Variants in GABRB3 observed in about 807,000 individuals in gnomAD.
GABRB3 encodes gamma-aminobutyric acid type A receptor subunit beta3.
In GABRB3, 14 loss-of-function variants were observed where a neutral mutation model predicts 52.1. The observed-to-expected ratio is 0.27, with a 90% confidence interval of 0.18 to 0.42. The LOEUF (loss-of-function observed/expected upper bound fraction) is 0.42, where lower values mean the gene tolerates loss of function less well. Ranked by LOEUF, GABRB3 falls within the 10% of genes least tolerant of loss-of-function variation. The pLI, the probability that GABRB3 is intolerant of heterozygous loss-of-function variation, is 1.00. For missense variants in GABRB3, 307 were observed against 609.1 expected (o/e 0.50, Z 5.22); for synonymous variants, 260 against 232.3 (o/e 1.12, Z -1.08).
intron 3 of GABRB3, among the ~76,000 whole-genome samples, chr15:26,765,964 C>T (rs3212337): frequency 0.32 from 49,044 of 151,964 alleles, 8,180 homozygotes; most frequent in East Asian, 0.41. Flanking sequence ...GTAAGAAAGT[C>T]GGTGCTATTT....
At position 26,646,108 on chromosome 15, in the gene GABRB3, G is replaced by A. The variant is rs536567267; in HGVS notation, c.241-24574C>T. Among the ~76,000 whole-genome samples, 3 of 151,994 alleles carry A rather than the reference G, an allele frequency of 2.0e-5. No homozygotes were observed. The East Asian group carries it at 5.8e-4, about 29-fold the overall frequency. ...TTCAGTTGTTTTTAAGGGTACAATCGAATCATTTATTTTAGTAAATTGACA... is the reference window on the plus strand; with the variant it reads ...TTCAGTTGTTTTTAAGGGTACAATCAAATCATTTATTTTAGTAAATTGACA... On this transcript the variant is annotated intron_variant, in intron 3 of 8. Coordinates refer to ENST00000311550, the MANE Select transcript of GABRB3 (RefSeq NM_000814.6).
At chr15:26,561,773 G>C (rs187146548) in intron 7 of GABRB3, among the ~76,000 whole-genome samples, 4 of 152,298 alleles carry the variant, frequency 2.6e-5, no homozygotes, top group African/African-American at 9.6e-5. Context: ...CAAAGAGAAA[G>C]AAATAGCTGA....
intron 3 of GABRB3, among the ~76,000 whole-genome samples, chr15:26,754,397 A>G (rs1595347855): frequency 6.6e-6 from 1 of 152,334 alleles, no homozygotes; most frequent in East Asian, 1.9e-4. Context: ...GTCCCTTCTG[A>G]GCAGATTTCA....
At position 26,572,047 on chromosome 15, in the gene GABRB3, GAAAAA is replaced by G. The variant is rs67382387; in HGVS notation, c.683-4319_683-4315del. ...GCGACAGAGCGAGACTCCGTCTCAA[GAAAAA>G]AAAAAAAAAAAAAAAAGGAAAATGC... On this transcript the variant is annotated intron_variant, in intron 6 of 8. Transcript: ENST00000311550. Among the ~76,000 whole-genome samples, 124 of 53,120 alleles carry G rather than the reference GAAAAA, an allele frequency of 2.3e-3. 1 individual carries two copies. Among genetic ancestry groups the G allele is most frequent in the Non-Finnish European group, 3.9e-3 (98 of 24,822 alleles). The allele number at this position is 53,120 out of a possible 152,430, so 34.8% of individuals were successfully genotyped here. A position where few individuals can be genotyped will look rare whatever the true frequency, so the allele number is the denominator to read the frequency against.
intron 6 of GABRB3, among the ~76,000 whole-genome samples, chr15:26,570,574 T>G (rs994789871): frequency 6.6e-6 from 1 of 152,198 alleles, no homozygotes; most frequent in Non-Finnish European, 1.5e-5. Flanking sequence ...TTTCCCAAAT[T>G]AACTTCAGTT....
chr15:26,624,808 T>A, intron 3 of GABRB3: 1 of 985,434 alleles, frequency 1.0e-6, no homozygotes, highest in Non-Finnish European at 1.2e-6. Flanking sequence ...GGTCCAAGCC[T>A]CCCTCCACTC....
intron 3 of GABRB3, chr15:26,624,352 A>G (rs562668696): frequency 1.5e-5 from 15 of 985,446 alleles, no homozygotes; most frequent in South Asian, 4.7e-5. Flanking sequence ...TAGAAGTTTC[A>G]CTTGTTTCTT....
chr15:26,693,047 G>A lies in GABRB3; in HGVS notation c.241-71513C>T, dbSNP rs181387975. Among the ~76,000 whole-genome samples the A allele has an allele frequency of 5.9e-5, 9 of 152,232 alleles. No homozygotes were observed. In the East Asian group the frequency reaches 1.4e-3, roughly 23 times the overall value. On this transcript the variant is annotated intron_variant, in intron 3 of 8. Transcript: ENST00000311550. ...AGAACTGCACAGGAAGATCTCTCCC[G>A]CTCCCAGGCTCAGACGTCTTTCAAA...
At chr15:26,769,013 T>C (rs1891071820) in intron 3 of GABRB3, among the ~76,000 whole-genome samples, 1 of 152,206 alleles carries the variant, frequency 6.6e-6, no homozygotes, top group African/African-American at 2.4e-5. Context: ...TATGTGTTTA[T>C]TTGAGATCAG....
chr15:26,556,716 T>C (rs1889766954), intron 8 of GABRB3, among the ~76,000 whole-genome samples: 1 of 152,304 alleles, frequency 6.6e-6, no homozygotes, highest in African/African-American at 2.4e-5. Context: ...GGTTAAAATA[T>C]GGCATAAATA....
intron 3 of GABRB3, among the ~76,000 whole-genome samples, chr15:26,668,354 G>C (rs1887780679): frequency 1.3e-5 from 2 of 152,210 alleles, no homozygotes. Flanking sequence ...TTGATACTAT[G>C]ATTGGCAGAA....
At chr15:26,710,600 G>A (rs117677145) in intron 3 of GABRB3, among the ~76,000 whole-genome samples, 2,707 of 152,262 alleles carry the variant, frequency 0.018, 54 homozygotes, top group Middle Eastern at 0.031. Context: ...ATACAGTAAC[G>A]CTATGTTTAA....
At chr15:26,600,392 A>G (rs1163895441) in intron 4 of GABRB3, among the ~76,000 whole-genome samples, 1 of 152,116 alleles carries the variant, frequency 6.6e-6, no homozygotes, top group East Asian at 1.9e-4. Flanking sequence ...GAAGTCACCA[A>G]TCAAATTCAA....
intron 8 of GABRB3, chr15:26,550,187 G>A (rs1031234192): frequency 1.3e-5 from 2 of 152,254 alleles, no homozygotes; most frequent in African/African-American, 4.8e-5. Flanking sequence ...GATAAAAGCA[G>A]AGGAACTCAA....
chr15:26,737,470 G>A (rs1252602565), intron 3 of GABRB3, among the ~76,000 whole-genome samples: 1 of 152,192 alleles, frequency 6.6e-6, no homozygotes, highest in Non-Finnish European at 1.5e-5. Context: ...ATGTGTATGT[G>A]CTCAATGAAT....
intron 3 of GABRB3, among the ~76,000 whole-genome samples, chr15:26,674,431 AGAAAGGAAAGGAAAG>A (rs1217753185): frequency 1.1e-5 from 1 of 94,078 alleles, no homozygotes; most frequent in Non-Finnish European, 2.0e-5. Context: ...AGAAAAGAAA[AGAAAGGAAAGGAAAG>A]GAAAGGAAAA....
chr15:26,753,587 G>A (rs1478657117), intron 3 of GABRB3, among the ~76,000 whole-genome samples: 1 of 152,202 alleles, frequency 6.6e-6, no homozygotes, highest in Non-Finnish European at 1.5e-5. Flanking sequence ...CATGGTGGGA[G>A]GTGGTTGTAA....
Position 26,743,323 on chromosome 15 carries a change from C to A in GABRB3, c.240+29079G>T, listed in dbSNP as rs1890258979. Among the ~76,000 whole-genome samples the A allele has an allele frequency of 2.0e-5, 3 of 152,164 alleles. No individual in the cohort carries two copies. The South Asian group carries it at 6.2e-4, about 32-fold the overall frequency. On this transcript the variant is annotated intron_variant, in intron 3 of 8. Coordinates refer to ENST00000311550, the MANE Select transcript of GABRB3 (RefSeq NM_000814.6). Reference sequence around the variant, plus strand: ...TACTCTTCCCACAGCCCCTAACACACCCCTCAGCTCTGCAGGAGAAAGATT... The same window carrying A: ...TACTCTTCCCACAGCCCCTAACACAACCCTCAGCTCTGCAGGAGAAAGATT...
chr15:26,623,463 G>A (rs1313004624), intron 3 of GABRB3, among the ~76,000 whole-genome samples: 9 of 152,100 alleles, frequency 5.9e-5, no homozygotes, highest in Non-Finnish European at 5.9e-5. Context: ...TCCGAGAGAC[G>A]GCTAGCAACT....
Sources: allele counts gnomAD v4.1 joint callset (sites outside exome capture counted in the v4.1 genomes callset), GRCh38; gene constraint gnomAD v4.1.1; transcripts MANE v1.5; gene names NCBI Gene and HGNC (gene_info 2026-07-23, HGNC 2026-07-21).